The following TANC1 variants were observed in gnomAD, a reference collection of about 807,000 sequenced individuals.
The protein encoded by TANC1 is protein TANC1.
Under a neutral mutation model 149.7 loss-of-function variants are expected in TANC1, and 77 were observed. That is an observed-to-expected ratio of 0.51 (90% CI 0.43 to 0.62). TANC1 has a LOEUF of 0.62. Ranked by LOEUF, TANC1 falls within the 20% of genes least tolerant of loss-of-function variation. The pLI, the probability that TANC1 is intolerant of heterozygous loss-of-function variation, is 0.00. For synonymous variants in TANC1, 854 were observed against 925.0 expected (o/e 0.92, Z 1.39); for missense variants, 1,985 against 2,321.8 (o/e 0.85, Z 2.98).
intron 14 of TANC1, among the ~76,000 whole-genome samples, chr2:159,181,607 A>C (rs1220950885): frequency 6.6e-6 from 1 of 152,126 alleles, no homozygotes; most frequent in Non-Finnish European, 1.5e-5. Flanking sequence ...CCCTCGTTAG[A>C]TTTTTAAGTT....
chr2:159,097,669 C>T lies in TANC1; in HGVS notation c.94C>T (p.Leu32=). Residue 32 remains leucine (L), a synonymous_variant, in exon 4 of 27, where the codon CTG becomes TTG. Coordinates refer to ENST00000263635, the MANE Select transcript of TANC1 (RefSeq NM_033394.3). ...SDFGPETSPV[L]HLDHSADSPV... ...CTTTGGTCCAGAGACTTCTCCAGTCCTGCACCTTGACCACAGTGCTGACTC... is the reference window on the plus strand; with the variant it reads ...CTTTGGTCCAGAGACTTCTCCAGTCTTGCACCTTGACCACAGTGCTGACTC... The T allele has an allele frequency of 1.2e-6, 2 of 1,614,132 alleles. No homozygotes were observed. The highest frequency in any genetic ancestry group is 1.7e-6 in the Non-Finnish European group (2 of 1,180,016).
intron 8 of TANC1, among the ~76,000 whole-genome samples, chr2:159,163,871 C>T (rs905047383): frequency 3.3e-5 from 5 of 152,232 alleles, no homozygotes; most frequent in African/African-American, 1.2e-4. Context: ...TTTATTACCT[C>T]CTGGTAAATG....
chr2:159,150,510 T>G lies in TANC1; in HGVS notation c.636T>G (p.Ile212Met). The G allele has an allele frequency of 6.2e-7, 1 of 1,614,106 alleles. No homozygotes were observed. The highest frequency in any genetic ancestry group is 8.5e-7 in the Non-Finnish European group (1 of 1,179,992). The change falls in exon 7 of 27, where the codon ATT becomes ATG. Residue 212 changes from isoleucine to methionine, a missense_variant. Physicochemically the swap from Ile to Met is conservative, Grantham distance 10 (BLOSUM62 1). Coordinates refer to ENST00000263635, the MANE Select transcript of TANC1 (RefSeq NM_033394.3). ...TAANKSPCET[I>M]SSPSSTLESK... ...CCAACAAAAGTCCCTGTGAGACCAT[T>G]AGCAGCCCTAGTTCCACCCTGGAAA...
chr2:159,108,875 G>A (rs138980401), intron 4 of TANC1, among the ~76,000 whole-genome samples: 182 of 152,298 alleles, frequency 1.2e-3, no homozygotes, highest in African/African-American at 4.3e-3. Flanking sequence ...TTCATTATTA[G>A]GGTCTGGAGC....
intron 20 of TANC1, 147 bp from the exon 21 acceptor site, chr2:159,219,091 A>AT: frequency 9.5e-7 from 1 of 1,049,846 alleles, no homozygotes; most frequent in South Asian, 1.4e-5. Context: ...CAGTGGAAAG[A>AT]TTTTCCAGGC....
At chr2:159,181,249 T>C (rs889057885) in intron 14 of TANC1, among the ~76,000 whole-genome samples, 28 of 152,070 alleles carry the variant, frequency 1.8e-4, no homozygotes, top group African/African-American at 6.5e-4. Context: ...TGTGCAAAAC[T>C]CCTAGGAGGC....
chr2:159,038,506 A>C (rs2149514499), intron 2 of TANC1, among the ~76,000 whole-genome samples: 1 of 152,214 alleles, frequency 6.6e-6, no homozygotes, highest in Non-Finnish European at 1.5e-5. Flanking sequence ...AATAGCTCTT[A>C]TTATTTTGAG....
chr2:159,208,863 G>A (rs1013971456), intron 19 of TANC1, among the ~76,000 whole-genome samples: 2 of 152,232 alleles, frequency 1.3e-5, no homozygotes, highest in Non-Finnish European at 2.9e-5. Context: ...ACTTACACAA[G>A]CCTGGATGGC....
intron 3 of TANC1, among the ~76,000 whole-genome samples, chr2:159,072,221 A>C (rs991883284): frequency 6.6e-6 from 1 of 152,202 alleles, no homozygotes; most frequent in Non-Finnish European, 1.5e-5. Context: ...ACCTCAGGTG[A>C]TCTGCCCACC....
At chr2:159,042,202 C>A (rs549569570) in intron 2 of TANC1, among the ~76,000 whole-genome samples, 1 of 152,184 alleles carries the variant, frequency 6.6e-6, no homozygotes, top group East Asian at 1.9e-4. Flanking sequence ...GGAGAGGCCT[C>A]CACCCAGCCT....
chr2:159,143,551 CAAAAAAAAAAAAAAAAAAA>C (rs56992262), intron 5 of TANC1, among the ~76,000 whole-genome samples: 5 of 67,298 alleles, frequency 7.4e-5, no homozygotes, highest in Admixed American at 2.2e-4. Flanking sequence ...GACCCCATCT[CAAAAAAAAAAAAAAAAAAA>C]AAAAAAAAAA....
chr2:158,975,036 C>A (rs1292484427), intron 1 of TANC1, among the ~76,000 whole-genome samples: 2 of 151,114 alleles, frequency 1.3e-5, no homozygotes, highest in African/African-American at 4.9e-5. Flanking sequence ...CAGGCATGAG[C>A]CAACCCCCCA....
rs190975801 is a variant in TANC1, at chr2:159,176,277, C to A, written c.1736-75C>A. 3.0e-5 allele frequency: 26 copies of A among 864,288 alleles called. No homozygotes were observed. In the East Asian group the frequency reaches 6.9e-4, roughly 23 times the overall value. 53.5% of individuals were successfully genotyped at this position (864,288 alleles called of 1,614,324 possible). Reference sequence around the variant, plus strand: ...TTAGTTTCTAACACTAAACTGGGCACTAAAATACACTGGGTGTTGCTGTCT... The same window carrying A: ...TTAGTTTCTAACACTAAACTGGGCAATAAAATACACTGGGTGTTGCTGTCT... On this transcript the variant is annotated intron_variant, in intron 12 of 26. Transcript: ENST00000263635.
At chr2:159,091,628 T>C (rs2045554064) in intron 3 of TANC1, among the ~76,000 whole-genome samples, 1 of 152,214 alleles carries the variant, frequency 6.6e-6, no homozygotes, top group South Asian at 2.1e-4. Context: ...AATAAAACCA[T>C]GCGGACAGTA....
chr2:159,113,922 T>C (rs2047992789), intron 4 of TANC1, among the ~76,000 whole-genome samples: 1 of 152,218 alleles, frequency 6.6e-6, no homozygotes, highest in Non-Finnish European at 1.5e-5. Flanking sequence ...AAATTATTCA[T>C]CATTGGGATC....
chr2:159,227,855 T>G lies in TANC1; in HGVS notation c.3940T>G (p.Tyr1314Asp). Residue 1314 changes from tyrosine (Y) to aspartate (D), a missense_variant, in exon 25 of 27, where the codon TAT becomes GAT. Transcript: ENST00000263635. ...KMKEAAQRYQ[Y>D]ALRKFPREGF... Reference sequence around the variant, plus strand: ...GAAAGAGGCAGCCCAGAGGTACCAGTATGCCTTAAGAAAGTTTCCTCGAGA... The same window carrying G: ...GAAAGAGGCAGCCCAGAGGTACCAGGATGCCTTAAGAAAGTTTCCTCGAGA... The G allele has an allele frequency of 1.2e-6, 2 of 1,614,188 alleles. No homozygotes were observed. Among genetic ancestry groups the G allele is most frequent in the East Asian group, 4.5e-5 (2 of 44,884 alleles).
At position 158,993,145 on chromosome 2, in the gene TANC1, G is replaced by C. The variant is rs1040712514; in HGVS notation, c.-125-7935G>C. 2.0e-5 allele frequency among the ~76,000 whole-genome samples: 3 copies of C among 152,200 alleles called. No individual in the cohort carries two copies. In the East Asian group the frequency reaches 5.8e-4, roughly 29 times the overall value. On this transcript the variant is annotated intron_variant, in intron 1 of 26. Transcript: ENST00000263635. ...GTAAATATGAGCAGTTTTCAGCCAA[G>C]GAAAGGAGTCAGATTAAACGGTCAC...
chr2:159,172,042 G>A, intron 10 of TANC1, 79 bp from the exon 11 acceptor site: 2 of 1,408,268 alleles, frequency 1.4e-6, no homozygotes, highest in Non-Finnish European at 2.0e-6. Context: ...ATATGCCCTG[G>A]CACAAATCAA....
intron 2 of TANC1, among the ~76,000 whole-genome samples, chr2:159,007,722 TG>T (rs1170079044): frequency 6.6e-6 from 1 of 152,172 alleles, no homozygotes; most frequent in Non-Finnish European, 1.5e-5. Context: ...CTGAACGGAA[TG>T]GTAAGGAGGC....
Sources: allele counts gnomAD v4.1 joint callset (sites outside exome capture counted in the v4.1 genomes callset), GRCh38; gene constraint gnomAD v4.1.1; transcripts MANE v1.5; gene names NCBI Gene and HGNC (gene_info 2026-07-23, HGNC 2026-07-21).